The following PBX3 variants were observed in gnomAD, a reference collection of about 807,000 sequenced individuals.
PBX3 encodes pre-B-cell leukemia transcription factor 3.
PBX3 carries 14 observed loss-of-function variants against 48.5 expected under a neutral mutation model. That is an observed-to-expected ratio of 0.29 (90% CI 0.19 to 0.45). PBX3 has a LOEUF of 0.45. Among genes scored for constraint, PBX3 ranks in the 20% least tolerant of loss-of-function variants. The pLI, the probability that PBX3 is intolerant of heterozygous loss-of-function variation, is 1.00. For synonymous variants in PBX3, 210 were observed against 200.3 expected (o/e 1.05, Z -0.41); for missense variants, 386 against 546.7 (o/e 0.71, Z 2.93).
At chr9:125,827,298 CTGT>C (rs764974114) in intron 2 of PBX3, among the ~76,000 whole-genome samples, 2 of 152,020 alleles carry the variant, frequency 1.3e-5, no homozygotes, top group Non-Finnish European at 2.9e-5. Flanking sequence ...TTATTTCTTC[CTGT>C]TAAGTTTAAT....
At chr9:125,956,663 C>T (rs965288832) in intron 5 of PBX3, among the ~76,000 whole-genome samples, 1 of 152,204 alleles carries the variant, frequency 6.6e-6, no homozygotes, top group Non-Finnish European at 1.5e-5. Context: ...AGGGAGAGTA[C>T]TTGTGCTTTT....
rs182779970 is a variant in PBX3, at chr9:125,778,087, A to G, written c.274+29464A>G. ...GCGATTCTCCTGCCTCAGCCTCCCA[A>G]GTAGCTGGGACTACAGGTTTGTACC... is the stretch of plus-strand genomic sequence containing the variant. On this transcript the variant is annotated intron_variant, in intron 2 of 8. Coordinates refer to ENST00000373489, the MANE Select transcript of PBX3 (RefSeq NM_006195.6). 1.7e-3 allele frequency among the ~76,000 whole-genome samples: 261 copies of G among 151,520 alleles called. 1 individual carries two copies. The highest frequency in any genetic ancestry group is 3.0e-3 in the Non-Finnish European group (201 of 67,868).
chr9:125,820,017 C>G (rs1054837856), intron 2 of PBX3, among the ~76,000 whole-genome samples: 2 of 152,096 alleles, frequency 1.3e-5, no homozygotes, highest in Admixed American at 6.6e-5. Flanking sequence ...GAAATCTATT[C>G]CTATTCATTG....
chr9:125,835,068 A>G (rs1839091903), intron 2 of PBX3, among the ~76,000 whole-genome samples: 1 of 151,072 alleles, frequency 6.6e-6, no homozygotes, highest in Non-Finnish European at 1.5e-5. Flanking sequence ...AAGATATGAA[A>G]AGACAAGTAA....
At chr9:125,772,478 G>T (rs977210207) in intron 2 of PBX3, among the ~76,000 whole-genome samples, 2 of 152,198 alleles carry the variant, frequency 1.3e-5, no homozygotes, top group East Asian at 1.9e-4. Flanking sequence ...GAGAGATACA[G>T]TAAGAGTAGT....
intron 2 of PBX3, among the ~76,000 whole-genome samples, chr9:125,752,617 CTT>C (rs1836405789): frequency 1.3e-5 from 2 of 152,102 alleles, no homozygotes; most frequent in Non-Finnish European, 2.9e-5. Flanking sequence ...TTTAGAGACT[CTT>C]TGGAGTCTTT....
At position 125,948,403 on chromosome 9, in the gene PBX3, C is replaced by G. The variant is rs1842111315; in HGVS notation, c.844-12281C>G. Reference sequence around the variant, plus strand: ...GTTTAAAACAGAGTATGTTTTCTGACTACAGTGGAATCAAACTAGAAATGA... The same window carrying G: ...GTTTAAAACAGAGTATGTTTTCTGAGTACAGTGGAATCAAACTAGAAATGA... On this transcript the variant is annotated intron_variant, in intron 5 of 8. Coordinates refer to ENST00000373489, the MANE Select transcript of PBX3 (RefSeq NM_006195.6). 2.6e-5 allele frequency among the ~76,000 whole-genome samples: 4 copies of G among 152,060 alleles called. No individual in the cohort carries two copies. In the South Asian group the frequency reaches 6.2e-4, roughly 24 times the overall value.
chr9:125,846,768 A>T (rs1470867628), intron 2 of PBX3, among the ~76,000 whole-genome samples: 1 of 152,092 alleles, frequency 6.6e-6, no homozygotes, highest in Non-Finnish European at 1.5e-5. Flanking sequence ...TCATTATTAC[A>T]CCAAAATATG....
At chr9:125,910,744 G>A (rs928623823) in intron 2 of PBX3, among the ~76,000 whole-genome samples, 7 of 150,362 alleles carry the variant, frequency 4.7e-5, no homozygotes, top group African/African-American at 1.7e-4. Flanking sequence ...GGGGCCATGA[G>A]TTGTGATGGG....
chr9:125,825,146 TG>T (rs1181895858), intron 2 of PBX3, among the ~76,000 whole-genome samples: 1 of 152,172 alleles, frequency 6.6e-6, no homozygotes, highest in Non-Finnish European at 1.5e-5. Context: ...TGGCTGGGCG[TG>T]GTGGCATGCA....
chr9:125,935,109 CA>C (rs1377236522), intron 4 of PBX3, among the ~76,000 whole-genome samples: 1 of 152,150 alleles, frequency 6.6e-6, no homozygotes, highest in Non-Finnish European at 1.5e-5. Flanking sequence ...ACCCTTTAGA[CA>C]AGATATTTCT....
chr9:125,779,626 C>T lies in PBX3; in HGVS notation c.274+31003C>T, dbSNP rs1234360979. On this transcript the variant is annotated intron_variant, in intron 2 of 8. Coordinates refer to ENST00000373489, the MANE Select transcript of PBX3 (RefSeq NM_006195.6). ...CAAGGCAGAAGAATTTATCTTAGTACAGAACAAAATGAAAAGTCTCCCATG... is the reference window on the plus strand; with the variant it reads ...CAAGGCAGAAGAATTTATCTTAGTATAGAACAAAATGAAAAGTCTCCCATG... Among the ~76,000 whole-genome samples the T allele has an allele frequency of 2.1e-3, 251 of 118,812 alleles. 1 individual carries two copies. The highest frequency in any genetic ancestry group is 7.4e-3 in the Middle Eastern group (2 of 270). 77.9% of individuals were successfully genotyped at this position (118,812 alleles called of 152,430 possible). A position where few individuals can be genotyped will look rare whatever the true frequency, so the allele number is the denominator to read the frequency against.
chr9:125,936,977 A>G (rs1036611872), intron 5 of PBX3, among the ~76,000 whole-genome samples: 1 of 152,196 alleles, frequency 6.6e-6, no homozygotes, highest in Non-Finnish European at 1.5e-5. Context: ...TTCCCTGAAC[A>G]TTAGTGAAAG....
intron 2 of PBX3, among the ~76,000 whole-genome samples, chr9:125,894,049 A>T (rs1264471320): frequency 6.6e-6 from 1 of 152,204 alleles, no homozygotes; most frequent in East Asian, 1.9e-4. Context: ...CCATGGCTAC[A>T]TATAGTTGCA....
chr9:125,933,233 C>T (rs567346396), intron 4 of PBX3, among the ~76,000 whole-genome samples: 4 of 152,326 alleles, frequency 2.6e-5, no homozygotes, highest in Admixed American at 2.0e-4. Flanking sequence ...ATATGATTCC[C>T]TTGCTCACTC....
intron 2 of PBX3, among the ~76,000 whole-genome samples, chr9:125,853,022 G>A (rs1171950149): frequency 6.6e-6 from 1 of 151,900 alleles, no homozygotes; most frequent in African/African-American, 2.4e-5. Flanking sequence ...CTCTCTCAGT[G>A]TCTAAAAACA....
At chr9:125,760,997 A>G (rs2131974732) in intron 2 of PBX3, among the ~76,000 whole-genome samples, 1 of 152,348 alleles carries the variant, frequency 6.6e-6, no homozygotes, top group Non-Finnish European at 1.5e-5. Context: ...GTCACTGAGA[A>G]TAAAAGGCTT....
At chr9:125,894,739 G>A (rs1840729633) in intron 2 of PBX3, among the ~76,000 whole-genome samples, 1 of 152,106 alleles carries the variant, frequency 6.6e-6, no homozygotes. Context: ...TGTATGAGCA[G>A]TCATAATGCT....
At chr9:125,822,112 T>C (rs1261750805) in intron 2 of PBX3, among the ~76,000 whole-genome samples, 2 of 152,164 alleles carry the variant, frequency 1.3e-5, no homozygotes, top group Admixed American at 1.3e-4. Context: ...AGTGGAGTTA[T>C]TTTTAAACTG....
Sources: allele counts gnomAD v4.1 joint callset (sites outside exome capture counted in the v4.1 genomes callset), GRCh38; gene constraint gnomAD v4.1.1; transcripts MANE v1.5; gene names NCBI Gene and HGNC (gene_info 2026-07-23, HGNC 2026-07-21).